PRKAA1: variants seen among roughly 807,000 people sequenced by gnomAD.
The protein encoded by PRKAA1 is 5'-AMP-activated protein kinase catalytic subunit alpha-1.
A neutral mutation model predicts 56.9 loss-of-function variants in PRKAA1; 23 were observed. The ratio of observed to expected loss-of-function variants is 0.40; its 90% CI spans 0.29 to 0.57. The LOEUF is 0.57. PRKAA1 is among the 20% of genes least tolerant of loss of function. The probability of loss-of-function intolerance (pLI) is 0.39; values close to 1 mark genes in which losing one functional copy is unlikely to be tolerated. For synonymous variants in PRKAA1, 226 were observed against 227.0 expected, an observed-to-expected ratio of 1.00 and a Z score of 0.04; for missense variants, 413 against 679.7, an observed-to-expected ratio of 0.61 and a Z score of 4.36.
At chr5:40,787,560 T>C (rs1433370422) in intron 1 of PRKAA1, among the ~76,000 whole-genome samples, 2 of 152,086 alleles carry the variant, frequency 1.3e-5, no homozygotes, top group Admixed American at 6.6e-5. Flanking sequence ...ATCATGAACA[T>C]AAAACATGGA....
Position 40,767,698 on chromosome 5 carries a change from A to G in PRKAA1, c.597-8T>C. 1 of 1,573,356 alleles carries G rather than the reference A, an allele frequency of 6.4e-7. No homozygotes were observed. Among genetic ancestry groups the G allele is most frequent in the South Asian group, 1.1e-5 (1 of 87,986 alleles). On this transcript the variant is annotated splice_region_variant and splice_polypyrimidine_tract_variant and intron_variant, in intron 5 of 8. Transcript: ENST00000397128. ...TCTGGGCCTGCATACAATCTGTAACAGGAAATAACAATTGGATTAAAGAAT... is the reference window on the plus strand; with the variant it reads ...TCTGGGCCTGCATACAATCTGTAACGGGAAATAACAATTGGATTAAAGAAT...
Position 40,765,088 on chromosome 5 carries a change from G to C in PRKAA1, c.972C>G (p.Asn324Lys). 1 of 1,614,180 alleles carries C rather than the reference G, an allele frequency of 6.2e-7. No individual in the cohort carries two copies. Among genetic ancestry groups the C allele is most frequent in the Non-Finnish European group, 8.5e-7 (1 of 1,180,020 alleles). The change falls in exon 7 of 9, where the codon AAC (asparagine) becomes AAG (lysine). Residue 324 changes from asparagine (N) to lysine (K), a missense_variant. Asn to Lys is a moderately conservative substitution (Grantham distance 94). This residue lies in a region of PRKAA1 where 113 missense variants were observed against 198.6 expected (regional missense o/e 0.57). Transcript: ENST00000397128. ...SEEEVLSCLY[N>K]RNHQDPLAVA... is the part of the protein sequence containing the mutation. ...CTGCCAAAGGATCCTGGTGATTTCT[G>C]TTGTAAAGACAGCTGAGAACTTCCT...
chr5:40,764,637 C>A lies in PRKAA1; in HGVS notation c.1312G>T (p.Val438Leu). Reference sequence around the variant, plus strand: ...CGTACACGCAAATAATATGGGTTTACAACCTAGCACATGGTATAACAAAAA... The same window carrying A: ...CGTACACGCAAATAATATGGGTTTAAAACCTAGCACATGGTATAACAAAAA... ...IKQLDYEWKV[V>L]NPYYLRVRRK... The change falls in exon 8 of 9, where the codon GTA becomes TTA. Residue 438 changes from valine to leucine, a missense_variant. Coordinates refer to ENST00000397128, the MANE Select transcript of PRKAA1 (RefSeq NM_006251.6). 1 of 1,613,330 alleles carries A rather than the reference C, an allele frequency of 6.2e-7. No homozygotes were observed. The highest frequency in any genetic ancestry group is 1.3e-5 in the African/African-American group (1 of 75,012).
At chr5:40,765,714 GATA>G (rs1304774909) in intron 6 of PRKAA1, among the ~76,000 whole-genome samples, 1 of 150,012 alleles carries the variant, frequency 6.7e-6, no homozygotes, top group African/African-American at 2.5e-5. Flanking sequence ...ATTATATGAA[GATA>G]ATATCTCTTT....
At chr5:40,772,818 G>C (rs1219959778) in intron 3 of PRKAA1, among the ~76,000 whole-genome samples, 1 of 152,086 alleles carries the variant, frequency 6.6e-6, no homozygotes, top group Non-Finnish European at 1.5e-5. Context: ...ATTTCTGATA[G>C]AGACAGGACT....
intron 1 of PRKAA1, among the ~76,000 whole-genome samples, chr5:40,795,273 A>G (rs923922006): frequency 6.6e-6 from 1 of 152,096 alleles, no homozygotes; most frequent in Non-Finnish European, 1.5e-5. Flanking sequence ...ATAAAAGACT[A>G]CAAATATGAT....
intron 6 of PRKAA1, among the ~76,000 whole-genome samples, chr5:40,766,735 A>T (rs536145806): frequency 4.6e-5 from 7 of 152,320 alleles, no homozygotes; most frequent in African/African-American, 1.7e-4. Context: ...ATACTGGCTC[A>T]CACCTGTAAT....
Position 40,760,113 on chromosome 5 carries a change from A to G in PRKAA1, c.*2665T>C, listed in dbSNP as rs1203330919. 6.5e-6 allele frequency: 1 copy of G among 152,772 alleles called. No individual in the cohort carries two copies. Among genetic ancestry groups the G allele is most frequent in the Non-Finnish European group, 1.5e-5 (1 of 68,020 alleles). 9.5% of individuals were successfully genotyped at this position (152,772 alleles called of 1,614,324 possible). A position where few individuals can be genotyped will look rare whatever the true frequency, so the allele number is the denominator to read the frequency against. On this transcript the variant is annotated 3_prime_UTR_variant, in exon 9 of 9. Coordinates refer to ENST00000397128, the MANE Select transcript of PRKAA1 (RefSeq NM_006251.6). ...CTGAAAAGATAATAAAAAAAGATTA[A>G]AAATCATTTGCATTGCCTCCCTTAC...
rs563102439 is a variant in PRKAA1 at position 40,791,932 on chromosome 5, G to A, written c.127+6131C>T. On this transcript the variant is annotated intron_variant, in intron 1 of 8. Coordinates refer to ENST00000397128, the MANE Select transcript of PRKAA1 (RefSeq NM_006251.6). ...ACGTTTAAATATTTTTACATGGGTA[G>A]GAATCCATAAAAAATATAGTAACAT... is the stretch of plus-strand genomic sequence containing the variant. 6.6e-5 allele frequency among the ~76,000 whole-genome samples: 10 copies of A among 152,240 alleles called. No individual in the cohort carries two copies. In the East Asian group the frequency reaches 1.7e-3, roughly 26 times the overall value.
rs1000221103 is a variant in PRKAA1, at chr5:40,759,615, A to C, written c.*3163T>G. ...TGAGGGAAAGAATTAAGGGGAAAAA[A>C]TTTGGACAGCACACACTTTTCTTTC... On this transcript the variant is annotated 3_prime_UTR_variant, in exon 9 of 9. Coordinates refer to ENST00000397128, the MANE Select transcript of PRKAA1 (RefSeq NM_006251.6). 6.6e-6 allele frequency: 1 copy of C among 152,316 alleles called. No homozygotes were observed. The highest frequency in any genetic ancestry group is 1.5e-5 in the Non-Finnish European group (1 of 68,014). 9.4% of individuals were successfully genotyped at this position (152,316 alleles called of 1,614,324 possible). A position where few individuals can be genotyped will look rare whatever the true frequency, so the allele number is the denominator to read the frequency against.
Position 40,765,196 on chromosome 5 carries a change from A to G in PRKAA1, c.864T>C (p.Phe288=), listed in dbSNP as rs1743371466. Residue 288 remains phenylalanine (F), a synonymous_variant, in exon 7 of 9, where the codon TTT becomes TTC. Coordinates refer to ENST00000397128, the MANE Select transcript of PRKAA1 (RefSeq NM_006251.6). ...WFKQDLPKYL[F]PEDPSYSSTM... The stretch of plus-strand genomic sequence containing the variant: ...TTGAACTATATGATGGATCCTCAGG[A>G]AAGAGATATTTTGGAAGGTCCTGTT... The G allele has an allele frequency of 6.2e-7, 1 of 1,613,740 alleles. No individual in the cohort carries two copies. The highest frequency in any genetic ancestry group is 1.3e-5 in the African/African-American group (1 of 74,896).
chr5:40,767,769 AT>A (rs1743534320), intron 5 of PRKAA1, 79 bp from the exon 6 acceptor site: 1 of 1,209,080 alleles, frequency 8.3e-7, no homozygotes, highest in Admixed American at 2.3e-5. Context: ...AAATATGGAT[AT>A]TTCATAAAGA....
rs774720365 is a variant in PRKAA1, at chr5:40,762,993, C to G, written c.1465G>C (p.Ala489Pro). 1.2e-6 allele frequency: 2 copies of G among 1,614,118 alleles called. No homozygotes were observed. Among genetic ancestry groups the G allele is most frequent in the Non-Finnish European group, 1.7e-6 (2 of 1,179,980 alleles). ...DEITEAKSGTATPQRSGSVSN... is the reference protein window; with the variant it reads ...DEITEAKSGTPTPQRSGSVSN... ...ACTGATCCCGATCTCTGTGGAGTAGCAGTCCCTGATTTGGCTTCTGTAATT... is the reference window on the plus strand; with the variant it reads ...ACTGATCCCGATCTCTGTGGAGTAGGAGTCCCTGATTTGGCTTCTGTAATT... The change falls in exon 9 of 9, where the codon GCT becomes CCT. Residue 489 changes from alanine to proline, a missense_variant. Ala to Pro is a conservative substitution (Grantham distance 27, BLOSUM62 -1). Around this residue, in one of 9 missense-constraint regions of PRKAA1, gnomAD observed 139 missense variants for 171.5 expected, o/e 0.81. Transcript: ENST00000397128.
chr5:40,771,679 A>G lies in PRKAA1; in HGVS notation c.508+40T>C, dbSNP rs762629962. 8 of 1,569,202 alleles carry G rather than the reference A, an allele frequency of 5.1e-6. No individual in the cohort carries two copies. In the African/African-American group the frequency reaches 6.9e-5, roughly 14 times the overall value. Reference sequence around the variant, plus strand: ...GTAGGTTCATTGAAACTATAAGAACATTAGAAATGAACGTTAAGAAACTAT... The same window carrying G: ...GTAGGTTCATTGAAACTATAAGAACGTTAGAAATGAACGTTAAGAAACTAT... On this transcript the variant is annotated intron_variant, in intron 4 of 8. Coordinates refer to ENST00000397128, the MANE Select transcript of PRKAA1 (RefSeq NM_006251.6).
chr5:40,784,023 C>T (rs1481356851), intron 1 of PRKAA1, among the ~76,000 whole-genome samples: 1 of 152,132 alleles, frequency 6.6e-6, no homozygotes, highest in Non-Finnish European at 1.5e-5. Flanking sequence ...ATACCACATA[C>T]TCCATAAGGG....
chr5:40,768,284 T>C, intron 5 of PRKAA1: 1 of 331,994 alleles, frequency 3.0e-6, no homozygotes, highest in East Asian at 1.7e-4. Flanking sequence ...GATCGATAAA[T>C]ATTATTTTGA....
In PRKAA1 at chr5:40,796,660, G is replaced by A. The variant is rs138869295; in HGVS notation, c.127+1403C>T. On this transcript the variant is annotated intron_variant, in intron 1 of 8. Coordinates refer to ENST00000397128, the MANE Select transcript of PRKAA1 (RefSeq NM_006251.6). ...CCGCCTTGCAGATTTTCATAAGAAG[G>A]TTCAGGCAGTTGCTTCCCTGTGGGA... Among the ~76,000 whole-genome samples the A allele has an allele frequency of 5.0e-3, 761 of 152,250 alleles. 5 individuals are homozygous for A. Among genetic ancestry groups the A allele is most frequent in the African/African-American group, 0.017 (725 of 41,552 alleles).
chr5:40,764,934 G>C lies in PRKAA1; in HGVS notation c.1126C>G (p.Pro376Ala). ...CTTGGTGTTTCAGCAACCAAGAATG[G>C]TACTCTTTCAGGATGGGGCCGAGTC... ...HLTRPHPERV[P>A]FLVAETPRAR... The change falls in exon 7 of 9, where the codon CCA (proline) becomes GCA (alanine). Residue 376 changes from proline to alanine, a missense_variant. By Grantham distance (27) the Pro-to-Ala change is conservative (BLOSUM62 -1). Transcript: ENST00000397128. The C allele has an allele frequency of 6.2e-7, 1 of 1,613,994 alleles. No individual in the cohort carries two copies. Among genetic ancestry groups the C allele is most frequent in the East Asian group, 2.2e-5 (1 of 44,886 alleles).
intron 3 of PRKAA1, among the ~76,000 whole-genome samples, chr5:40,773,550 C>T (rs1177731435): frequency 6.6e-6 from 1 of 151,988 alleles, no homozygotes; most frequent in Non-Finnish European, 1.5e-5. Flanking sequence ...CATATAAAGA[C>T]AAAAAGAACA....
Sources: gnomAD v4.1 joint callset for allele counts (sites outside exome capture counted in the v4.1 genomes callset) on GRCh38, gnomAD v4.1.1 for gene constraint, gnomAD v4.1.1 regional missense constraint, MANE v1.5 for transcripts, NCBI Gene and HGNC (gene_info 2026-07-23, HGNC 2026-07-21) for gene names.